Variants in TBC1D5 observed in about 807,000 individuals in gnomAD.
TBC1D5 encodes the protein TBC1 domain family, member 5.
TBC1D5 carries 75 observed loss-of-function variants against 100.3 expected under a neutral mutation model. That is an observed-to-expected ratio of 0.75 (90% CI 0.62 to 0.91). TBC1D5 has a LOEUF of 0.91. TBC1D5 is among the 40% of genes least tolerant of loss of function. The pLI is 0.00. For missense variants in TBC1D5, 910 were observed against 942.4 expected (o/e 0.97, Z 0.45); for synonymous variants, 323 against 325.6 (o/e 0.99, Z 0.09).
At chr3:17,643,558 T>A (rs2064732931) in intron 1 of TBC1D5, among the ~76,000 whole-genome samples, 1 of 152,140 alleles carries the variant, frequency 6.6e-6, no homozygotes, top group Non-Finnish European at 1.5e-5. Context: ...TCCTCATTCT[T>A]TATACATTTA....
At chr3:17,705,423 C>T (rs1346114537) in intron 1 of TBC1D5, among the ~76,000 whole-genome samples, 2 of 144,990 alleles carry the variant, frequency 1.4e-5, no homozygotes, top group East Asian at 2.2e-4. Context: ...GGGTGGCTGC[C>T]GGGCGGAGAG....
chr3:17,325,551 C>T (rs1575343560), intron 13 of TBC1D5, among the ~76,000 whole-genome samples: 1 of 152,020 alleles, frequency 6.6e-6, no homozygotes, highest in East Asian at 1.9e-4. Context: ...CTTGAACTCC[C>T]AACCTTATGA....
chr3:17,599,818 A>C (rs1211797011), intron 2 of TBC1D5, among the ~76,000 whole-genome samples: 1 of 152,168 alleles, frequency 6.6e-6, no homozygotes, highest in Non-Finnish European at 1.5e-5. Flanking sequence ...CCCCTGTCTA[A>C]AGTCCTGCCT....
chr3:17,554,846 C>CTT (rs200947542), intron 2 of TBC1D5, among the ~76,000 whole-genome samples: 1 of 144,652 alleles, frequency 6.9e-6, no homozygotes. Context: ...AATATCTGTG[C>CTT]TTTTTTTTTT....
At chr3:17,715,998 G>A (rs1195272244) in intron 1 of TBC1D5, among the ~76,000 whole-genome samples, 1 of 109,758 alleles carries the variant, frequency 9.1e-6, no homozygotes. Context: ...GCTGCAGTGA[G>A]CTGAGACCAT....
intron 1 of TBC1D5, chr3:17,702,247 A>G (rs1044628985): frequency 1.3e-5 from 2 of 152,190 alleles, no homozygotes; most frequent in East Asian, 1.9e-4. Context: ...AGTTCATTTA[A>G]AAGACCCTGC....
At chr3:17,195,062 A>G (rs372949078) in intron 18 of TBC1D5, among the ~76,000 whole-genome samples, 13 of 152,352 alleles carry the variant, frequency 8.5e-5, no homozygotes, top group African/African-American at 2.9e-4. Flanking sequence ...CAAAAGTCCT[A>G]TAACTGCAGT....
At chr3:17,321,743 G>C (rs980317816) in intron 13 of TBC1D5, among the ~76,000 whole-genome samples, 5 of 152,120 alleles carry the variant, frequency 3.3e-5, no homozygotes, top group African/African-American at 1.2e-4. Context: ...TCTTTCTTGA[G>C]GGTTGTTTTC....
chr3:17,243,376 G>C (rs962219849), intron 16 of TBC1D5, among the ~76,000 whole-genome samples: 2 of 152,044 alleles, frequency 1.3e-5, no homozygotes, highest in Non-Finnish European at 2.9e-5. Context: ...ATTTTTTAAT[G>C]TTTTCAACAT....
chr3:17,672,024 T>A (rs13083917), intron 1 of TBC1D5, among the ~76,000 whole-genome samples: 78,593 of 152,104 alleles, frequency 0.52, 22,074 homozygotes, highest in East Asian at 0.98. Context: ...TAGTCTAACA[T>A]TCGGCATTCT....
At chr3:17,703,020 G>C (rs2073425811) in intron 1 of TBC1D5, among the ~76,000 whole-genome samples, 1 of 152,008 alleles carries the variant, frequency 6.6e-6, no homozygotes, top group Admixed American at 6.6e-5. Flanking sequence ...TCTTTACTGA[G>C]TGGTTTAGAA....
At chr3:17,380,045 A>ATGTGTGTGTG (rs3041142) in intron 9 of TBC1D5, among the ~76,000 whole-genome samples, 5,814 of 112,192 alleles carry the variant, frequency 0.052, 175 homozygotes, top group East Asian at 0.073. Flanking sequence ...GTGACTGTGT[A>ATGTGTGTGTG]TGTGTGTGTG....
chr3:17,297,374 A>G (rs1223612034), intron 14 of TBC1D5, among the ~76,000 whole-genome samples: 3 of 152,152 alleles, frequency 2.0e-5, no homozygotes, highest in Non-Finnish European at 4.4e-5. Context: ...CAGGAGATTG[A>G]GACCATCCTG....
intron 1 of TBC1D5, among the ~76,000 whole-genome samples, chr3:17,665,750 G>A (rs1336922481): frequency 6.6e-6 from 1 of 152,168 alleles, no homozygotes; most frequent in Non-Finnish European, 1.5e-5. Flanking sequence ...TTTGCCATCT[G>A]CTGGCCCAAT....
At chr3:17,301,812 C>G (rs549996002) in intron 14 of TBC1D5, among the ~76,000 whole-genome samples, 2 of 152,168 alleles carry the variant, frequency 1.3e-5, no homozygotes, top group East Asian at 3.9e-4. Context: ...CCAGGGGAAG[C>G]AAGGAATCAC....
chr3:17,691,303 A>C (rs1057493974), intron 1 of TBC1D5, among the ~76,000 whole-genome samples: 3 of 152,138 alleles, frequency 2.0e-5, no homozygotes, highest in African/African-American at 7.2e-5. Flanking sequence ...GCAACCATTA[A>C]TCTGTATTCC....
chr3:17,681,797 G>T (rs966366301), intron 1 of TBC1D5, among the ~76,000 whole-genome samples: 2 of 151,580 alleles, frequency 1.3e-5, no homozygotes, highest in Admixed American at 6.6e-5. Context: ...AGGCCACACA[G>T]CAAGAAGTGA....
intron 17 of TBC1D5, among the ~76,000 whole-genome samples, chr3:17,221,185 A>T (rs2074244373): frequency 7.6e-6 from 1 of 131,918 alleles, no homozygotes; most frequent in African/African-American, 3.2e-5. Context: ...ACATAGCAGA[A>T]GAGACTTTGC....
At chr3:17,456,612 C>G (rs1249177701) in intron 3 of TBC1D5, among the ~76,000 whole-genome samples, 1 of 152,158 alleles carries the variant, frequency 6.6e-6, no homozygotes, top group South Asian at 2.1e-4. Flanking sequence ...GCATCTCACT[C>G]CAGTTAAAAT....
Sources: allele counts gnomAD v4.1 joint callset (sites outside exome capture counted in the v4.1 genomes callset), GRCh38; gene constraint gnomAD v4.1.1; transcripts MANE v1.5; gene names NCBI Gene and HGNC (gene_info 2026-07-23, HGNC 2026-07-21).